Variants in GRM7 observed in about 807,000 individuals in gnomAD.
The protein encoded by GRM7 is glutamate metabotropic receptor 7, also known as metabotropic glutamate receptor 7.
A neutral mutation model predicts 84.5 loss-of-function variants in GRM7; 35 were observed. That is an observed-to-expected ratio of 0.41 (90% CI 0.32 to 0.55). GRM7 has a LOEUF of 0.55. GRM7 is among the 20% of genes least tolerant of loss of function. The probability of loss-of-function intolerance (pLI) is 0.19; values close to 1 mark genes in which losing one functional copy is unlikely to be tolerated. For synonymous variants in GRM7, 487 were observed against 455.1 expected (o/e 1.07, Z -0.89); for missense variants, 1,003 against 1,194.6 (o/e 0.84, Z 2.36).
At chr3:7,137,322 T>C (rs928331293) in intron 1 of GRM7, among the ~76,000 whole-genome samples, 3 of 152,126 alleles carry the variant, frequency 2.0e-5, no homozygotes, top group African/African-American at 7.2e-5. Flanking sequence ...GGGCACTTTT[T>C]TTCTATCTTG....
intron 1 of GRM7, among the ~76,000 whole-genome samples, chr3:6,901,958 A>C (rs1199144499): frequency 6.6e-6 from 1 of 152,144 alleles, no homozygotes; most frequent in Admixed American, 6.5e-5. Flanking sequence ...CATGTTTGAT[A>C]AGAACTTGTC....
intron 3 of GRM7, among the ~76,000 whole-genome samples, chr3:7,304,552 C>G (rs536393553): frequency 6.6e-6 from 1 of 151,544 alleles, no homozygotes; most frequent in Non-Finnish European, 1.5e-5. Flanking sequence ...ACTCTATTTT[C>G]TCTGTACGTT....
chr3:7,557,493 T>C (rs1281202487), intron 7 of GRM7, among the ~76,000 whole-genome samples: 3 of 152,066 alleles, frequency 2.0e-5, no homozygotes, highest in African/African-American at 7.2e-5. Context: ...AAAAGAAAAA[T>C]AAGTTGCCAT....
intron 3 of GRM7, among the ~76,000 whole-genome samples, chr3:7,305,675 A>T (rs1242537111): frequency 3.9e-5 from 6 of 151,908 alleles, no homozygotes; most frequent in Non-Finnish European, 8.8e-5. Context: ...GCCTGGAAGA[A>T]AAAAAAGTAG....
intron 4 of GRM7, among the ~76,000 whole-genome samples, chr3:7,335,826 G>T (rs1351074739): frequency 1.3e-5 from 2 of 151,866 alleles, no homozygotes; most frequent in African/African-American, 4.8e-5. Context: ...TACATTCCTG[G>T]AAATAAACAA....
At chr3:7,054,716 C>G (rs899389260) in intron 1 of GRM7, among the ~76,000 whole-genome samples, 6 of 151,796 alleles carry the variant, frequency 4.0e-5, no homozygotes, top group African/African-American at 7.3e-5. Context: ...CTGGTTTTCT[C>G]TCATCTCTCT....
At chr3:7,265,544 G>A (rs752246186) in intron 2 of GRM7, among the ~76,000 whole-genome samples, 8 of 152,158 alleles carry the variant, frequency 5.3e-5, no homozygotes, top group Non-Finnish European at 1.2e-4. Context: ...AGAGGTGTTT[G>A]GTCCCAAGAG....
At chr3:7,672,955 CTGT>C (rs1699981337) in intron 8 of GRM7, among the ~76,000 whole-genome samples, 1 of 152,126 alleles carries the variant, frequency 6.6e-6, no homozygotes, top group African/African-American at 2.4e-5. Flanking sequence ...CTAAAACAGG[CTGT>C]TGTTTTTCAG....
intron 4 of GRM7, among the ~76,000 whole-genome samples, chr3:7,393,667 G>T (rs1435340904): frequency 1.3e-5 from 2 of 152,180 alleles, no homozygotes; most frequent in African/African-American, 4.8e-5. Context: ...CAGCCATCTT[G>T]ATTGTCTCTT....
intron 4 of GRM7, among the ~76,000 whole-genome samples, chr3:7,343,515 G>C (rs1421837808): frequency 6.6e-6 from 1 of 152,060 alleles, no homozygotes. Context: ...CTCCTGGCCT[G>C]TAAGAATATT....
chr3:7,383,829 A>G (rs73809090), intron 4 of GRM7, among the ~76,000 whole-genome samples: 4,409 of 152,282 alleles, frequency 0.029, 223 homozygotes, highest in African/African-American at 0.1. Flanking sequence ...AGTTATTTTA[A>G]TTAACGTTAA....
intron 4 of GRM7, among the ~76,000 whole-genome samples, chr3:7,326,254 G>T (rs1700982512): frequency 6.7e-6 from 1 of 150,314 alleles, no homozygotes; most frequent in South Asian, 2.1e-4. Flanking sequence ...CCTCTTTAAA[G>T]TTCAAATTAT....
chr3:7,150,350 G>A (rs1175803519), intron 2 of GRM7, among the ~76,000 whole-genome samples: 5 of 152,084 alleles, frequency 3.3e-5, no homozygotes, highest in Non-Finnish European at 2.9e-5. Flanking sequence ...CCGTCACAGT[G>A]CACCGATAAG....
rs1697397904 is a variant in GRM7 at position 6,928,789 on chromosome 3, A to G, written c.519+66882A>G. Among the ~76,000 whole-genome samples the G allele has an allele frequency of 6.6e-6, 1 of 152,130 alleles. No homozygotes were observed. Among genetic ancestry groups the G allele is most frequent in the South Asian group, 2.1e-4 (1 of 4,822 alleles). On this transcript the variant is annotated intron_variant, in intron 1 of 9. Coordinates refer to ENST00000357716, the MANE Select transcript of GRM7 (RefSeq NM_000844.4). The surrounding 1 kb of genome is among the most constrained non-coding windows in gnomAD (Gnocchi z 4.5). ...CTTCTGCTATATTTACTGTTAGAAA[A>G]TGTTCTTTTAAATTGAGCACGCTGT...
intron 1 of GRM7, among the ~76,000 whole-genome samples, chr3:7,047,312 A>G (rs1696840557): frequency 6.6e-6 from 1 of 152,090 alleles, no homozygotes; most frequent in South Asian, 2.1e-4. Context: ...AGTGCTTGCT[A>G]TACACAGTGA....
At chr3:7,072,560 A>T (rs966819750) in intron 1 of GRM7, among the ~76,000 whole-genome samples, 1 of 151,912 alleles carries the variant, frequency 6.6e-6, no homozygotes, top group Admixed American at 6.6e-5. Flanking sequence ...GGTGGTGCAT[A>T]CCTGCAGTCC....
rs534950251 is a variant in GRM7 at position 7,617,936 on chromosome 3, T to A, written c.2451+38579T>A. On this transcript the variant is annotated intron_variant, in intron 8 of 9. Transcript: ENST00000357716. ...CAAATGTTGCAATTAAAAGTGCCAG[T>A]CCTGGATTCTTGTGCCTGGATGCAA... 7.2e-5 allele frequency among the ~76,000 whole-genome samples: 11 copies of A among 152,258 alleles called. No individual in the cohort carries two copies. In the South Asian group the frequency reaches 2.1e-3, roughly 29 times the overall value.
intron 7 of GRM7, among the ~76,000 whole-genome samples, chr3:7,514,778 G>A (rs758887401): frequency 2.6e-5 from 4 of 152,180 alleles, no homozygotes; most frequent in Non-Finnish European, 5.9e-5. Flanking sequence ...CTTGATCTAA[G>A]TGTCACAGTG....
At chr3:7,218,264 T>A (rs928313705) in intron 2 of GRM7, among the ~76,000 whole-genome samples, 4 of 152,162 alleles carry the variant, frequency 2.6e-5, no homozygotes, top group African/African-American at 7.2e-5. Flanking sequence ...ATGGTGTACA[T>A]CACATCTGTT....
Sources: allele counts gnomAD v4.1 joint callset (sites outside exome capture counted in the v4.1 genomes callset), GRCh38; gene constraint gnomAD v4.1.1; non-coding constraint Gnocchi (gnomAD v3.1); transcripts MANE v1.5; gene names NCBI Gene and HGNC (gene_info 2026-07-23, HGNC 2026-07-21).